XKR4: variants seen among roughly 807,000 people sequenced by gnomAD.
XKR4 encodes the protein XK-related protein 4.
In XKR4, 12 loss-of-function variants were observed where a neutral mutation model predicts 53.9. The ratio of observed to expected loss-of-function variants is 0.22; its 90% CI spans 0.14 to 0.36. XKR4 has a LOEUF of 0.36. Ranked by LOEUF, XKR4 falls within the 10% of genes least tolerant of loss-of-function variation. The pLI, the probability that XKR4 is intolerant of heterozygous loss-of-function variation, is 1.00. For synonymous variants in XKR4, 354 were observed against 362.4 expected (o/e 0.98, Z 0.26); for missense variants, 799 against 859.5 (o/e 0.93, Z 0.88).
intron 2 of XKR4, among the ~76,000 whole-genome samples, chr8:55,386,976 A>G (rs915164903): frequency 2.6e-5 from 4 of 152,220 alleles, no homozygotes; most frequent in Non-Finnish European, 5.9e-5. Context: ...ATACTATGCA[A>G]GTCACAGACA....
At chr8:55,204,860 G>A (rs76573768) in intron 1 of XKR4, among the ~76,000 whole-genome samples, 7,725 of 152,106 alleles carry the variant, frequency 0.051, 501 homozygotes, top group African/African-American at 0.15. Context: ...AGAATGACTC[G>A]GTGATACATT....
At chr8:55,206,945 A>G (rs903148965) in intron 1 of XKR4, among the ~76,000 whole-genome samples, 1 of 152,250 alleles carries the variant, frequency 6.6e-6, no homozygotes, top group Non-Finnish European at 1.5e-5. Flanking sequence ...ACTGACACAT[A>G]TTAGAAGACC....
chr8:55,111,646 G>A (rs1243022346), intron 1 of XKR4, among the ~76,000 whole-genome samples: 1 of 152,162 alleles, frequency 6.6e-6, no homozygotes, highest in Non-Finnish European at 1.5e-5. Context: ...TCGAAATGAT[G>A]TCAAAAGTCT....
chr8:55,497,742 A>G (rs58415680), intron 2 of XKR4, among the ~76,000 whole-genome samples: 8,017 of 151,996 alleles, frequency 0.053, 596 homozygotes, highest in East Asian at 0.28. Context: ...GACCTTACTG[A>G]CCTCCTTGCA....
intron 1 of XKR4, among the ~76,000 whole-genome samples, chr8:55,299,740 C>T (rs116840548): frequency 2.7e-4 from 41 of 152,150 alleles, no homozygotes; most frequent in Non-Finnish European, 4.1e-4. Context: ...CTGTTGTGTG[C>T]GCTGAATGTC....
rs572635429 is a variant in XKR4 at position 55,437,498 on chromosome 8, G to A, written c.1006+79621G>A. On this transcript the variant is annotated intron_variant, in intron 2 of 2. Coordinates refer to ENST00000327381, the MANE Select transcript of XKR4 (RefSeq NM_052898.2). ...CCAAGGCTTCCCTCACTCTAATTAC[G>A]TTCCTAGCTACCTACATGGTCAGTG... Among the ~76,000 whole-genome samples the A allele has an allele frequency of 9.9e-5, 15 of 152,274 alleles. No individual in the cohort carries two copies. The South Asian group carries it at 1.4e-3, about 15-fold the overall frequency.
intron 2 of XKR4, among the ~76,000 whole-genome samples, chr8:55,402,048 A>G (rs944323767): frequency 6.6e-6 from 1 of 152,234 alleles, no homozygotes; most frequent in African/African-American, 2.4e-5. Flanking sequence ...CTAATAATAG[A>G]TGATTCTTGT....
chr8:55,500,991 G>A (rs867710816), intron 2 of XKR4, among the ~76,000 whole-genome samples: 1 of 152,170 alleles, frequency 6.6e-6, no homozygotes, highest in Non-Finnish European at 1.5e-5. Context: ...AGAGATGCAA[G>A]ATAGAGTTAC....
At chr8:55,219,527 C>G (rs1194941830) in intron 1 of XKR4, among the ~76,000 whole-genome samples, 1 of 151,968 alleles carries the variant, frequency 6.6e-6, no homozygotes, top group African/African-American at 2.4e-5. Context: ...ACTAAAATAC[C>G]TCAGTTATTT....
chr8:55,335,532 G>C (rs1803447537), intron 1 of XKR4, among the ~76,000 whole-genome samples: 1 of 152,124 alleles, frequency 6.6e-6, no homozygotes. Context: ...CTTAGAGTGT[G>C]ATGCATGCAA....
At chr8:55,368,719 T>C (rs1804028859) in intron 2 of XKR4, among the ~76,000 whole-genome samples, 1 of 152,178 alleles carries the variant, frequency 6.6e-6, no homozygotes, top group African/African-American at 2.4e-5. Flanking sequence ...GCAAGAAGTA[T>C]AGGAAAAGGC....
chr8:55,338,716 A>G (rs938299383), intron 1 of XKR4, among the ~76,000 whole-genome samples: 10 of 152,236 alleles, frequency 6.6e-5, no homozygotes, highest in Admixed American at 6.5e-4. Flanking sequence ...AATACAGTAA[A>G]GAGAACCGAG....
intron 2 of XKR4, among the ~76,000 whole-genome samples, chr8:55,390,555 G>A (rs1373465918): frequency 1.3e-5 from 2 of 152,192 alleles, no homozygotes; most frequent in Admixed American, 6.5e-5. Context: ...CCCTCCATTA[G>A]AAGCTGTATT....
chr8:55,451,317 G>A (rs1805438568), intron 2 of XKR4: 1 of 621,644 alleles, frequency 1.6e-6, no homozygotes, highest in Non-Finnish European at 2.9e-6. Flanking sequence ...CCGCCATGGG[G>A]TTAGACAGAG....
rs1326084737 is a variant in XKR4 at position 55,525,046 on chromosome 8, G to C, written c.*819G>C. The C allele has an allele frequency of 2.6e-5, 4 of 152,596 alleles. No homozygotes were observed. Among genetic ancestry groups the C allele is most frequent in the African/African-American group, 9.7e-5 (4 of 41,434 alleles). 9.5% of individuals were successfully genotyped at this position (152,596 alleles called of 1,614,324 possible). A position where few individuals can be genotyped will look rare whatever the true frequency, so the allele number is the denominator to read the frequency against. ...GTATTCAATTGCAAAAATGTAACAG[G>C]TACACAAAGAGGAAGTGGGGAAAAA... On this transcript the variant is annotated 3_prime_UTR_variant, in exon 3 of 3. Coordinates refer to ENST00000327381, the MANE Select transcript of XKR4 (RefSeq NM_052898.2).
intron 1 of XKR4, among the ~76,000 whole-genome samples, chr8:55,291,904 G>A (rs953349726): frequency 6.6e-6 from 1 of 152,054 alleles, no homozygotes; most frequent in Non-Finnish European, 1.5e-5. Context: ...AATGAATGTA[G>A]AATTTTGTCA....
intron 1 of XKR4, among the ~76,000 whole-genome samples, chr8:55,319,487 G>A (rs1487888623): frequency 1.3e-5 from 2 of 152,130 alleles, no homozygotes; most frequent in Non-Finnish European, 2.9e-5. Context: ...GTTTCTAAAG[G>A]CCATTCCATT....
chr8:55,118,696 A>G (rs1816346547), intron 1 of XKR4, among the ~76,000 whole-genome samples: 2 of 152,240 alleles, frequency 1.3e-5, no homozygotes, highest in Non-Finnish European at 2.9e-5. Flanking sequence ...TCAAAAGTGA[A>G]TATGACTTGC....
chr8:55,427,589 A>G (rs1235234374), intron 2 of XKR4, among the ~76,000 whole-genome samples: 19 of 152,236 alleles, frequency 1.2e-4, no homozygotes, highest in Admixed American at 1.2e-3. Flanking sequence ...CCATTTCTCT[A>G]AAATTAAGAC....
Sources: gnomAD v4.1 joint callset for allele counts (sites outside exome capture counted in the v4.1 genomes callset) on GRCh38, gnomAD v4.1.1 for gene constraint, MANE v1.5 for transcripts, NCBI Gene and HGNC (gene_info 2026-07-23, HGNC 2026-07-21) for gene names.